Variants in SV2C observed in about 807,000 individuals in gnomAD.
SV2C encodes synaptic vesicle glycoprotein 2C, also known as solute carrier family 22 member B3.
SV2C carries 49 observed loss-of-function variants against 79.7 expected under a neutral mutation model. The observed-to-expected ratio is 0.61, with a 90% confidence interval of 0.49 to 0.78. The LOEUF (loss-of-function observed/expected upper bound fraction) is 0.78, where lower values mean the gene tolerates loss of function less well. Among genes scored for constraint, SV2C ranks in the 30% least tolerant of loss-of-function variants. The pLI is 0.00. For missense variants in SV2C, 833 were observed against 912.9 expected (o/e 0.91, Z 1.13); for synonymous variants, 334 against 333.2 (o/e 1.00, Z -0.03).
the SV2C span, among the ~76,000 whole-genome samples, chr5:75,891,033 T>G: frequency 6.1e-3 from 931 of 152,236 alleles, 5 homozygotes; most frequent in South Asian, 0.025. Context: ...TCCTATTTTT[T>G]GTTTGTGTCT....
chr5:76,213,079 A>C (rs570731791), intron 4 of SV2C, among the ~76,000 whole-genome samples: 1 of 152,326 alleles, frequency 6.6e-6, no homozygotes, highest in South Asian at 2.1e-4. Context: ...TGTTGACAAC[A>C]CCTTGAGAAA....
chr5:75,913,482 C>T, the SV2C span, among the ~76,000 whole-genome samples: 1 of 152,082 alleles, frequency 6.6e-6, no homozygotes, highest in African/African-American at 2.4e-5. Flanking sequence ...GATTAGAAAG[C>T]CTTGAAAGGG....
At chr5:76,068,590 G>A in the SV2C span, among the ~76,000 whole-genome samples, 1 of 151,970 alleles carries the variant, frequency 6.6e-6, no homozygotes, top group Non-Finnish European at 1.5e-5. Context: ...AGTTTTCAAT[G>A]TCTTTGTACT....
At chr5:76,265,153 G>A (rs1380893148) in intron 4 of SV2C, among the ~76,000 whole-genome samples, 1 of 152,220 alleles carries the variant, frequency 6.6e-6, no homozygotes, top group African/African-American at 2.4e-5. Context: ...GCCCTGCCCA[G>A]AGAAGAGGAA....
intron 12 of SV2C, among the ~76,000 whole-genome samples, chr5:76,302,794 C>G (rs1467397345): frequency 6.6e-6 from 1 of 151,840 alleles, no homozygotes; most frequent in Non-Finnish European, 1.5e-5. Context: ...GACAAATGGA[C>G]TTTGCCTTCA....
intron 4 of SV2C, among the ~76,000 whole-genome samples, chr5:76,213,828 T>C (rs1744838701): frequency 6.6e-6 from 1 of 152,168 alleles, no homozygotes; most frequent in Non-Finnish European, 1.5e-5. Context: ...CCAGAACTTA[T>C]CATCTTATAA....
chr5:75,916,664 G>A, the SV2C span, among the ~76,000 whole-genome samples: 35 of 151,960 alleles, frequency 2.3e-4, no homozygotes, highest in Non-Finnish European at 4.6e-4. Context: ...TAGTAGAGAC[G>A]GGGTTTCACC....
At chr5:76,239,676 C>T (rs1745722198) in intron 4 of SV2C, among the ~76,000 whole-genome samples, 2 of 152,178 alleles carry the variant, frequency 1.3e-5, no homozygotes. Flanking sequence ...CTCCACCCTG[C>T]TTGAGTGTCC....
At chr5:76,030,279 T>TA in the SV2C span, among the ~76,000 whole-genome samples, 139 of 112,408 alleles carry the variant, frequency 1.2e-3, 4 homozygotes, top group African/African-American at 5.8e-3. Flanking sequence ...TTTTTTTTTT[T>TA]TTTTTTTTTT....
the SV2C span, among the ~76,000 whole-genome samples, chr5:75,975,483 A>G: frequency 6.6e-6 from 1 of 152,170 alleles, no homozygotes; most frequent in Non-Finnish European, 1.5e-5. Flanking sequence ...GAGGATGTCT[A>G]AGACCTATTC....
chr5:75,930,594 A>G, the SV2C span, among the ~76,000 whole-genome samples: 1 of 152,216 alleles, frequency 6.6e-6, no homozygotes, highest in African/African-American at 2.4e-5. Flanking sequence ...GCATCTCAGA[A>G]TGCAATTTTT....
At chr5:75,850,557 G>A in the SV2C span, among the ~76,000 whole-genome samples, 2,801 of 152,066 alleles carry the variant, frequency 0.018, 88 homozygotes, top group African/African-American at 0.06. Context: ...GGTAGGTAGT[G>A]ACTATCTAGG....
At chr5:75,942,496 G>T in the SV2C span, among the ~76,000 whole-genome samples, 1 of 152,310 alleles carries the variant, frequency 6.6e-6, no homozygotes, top group South Asian at 2.1e-4. Flanking sequence ...AAAGACTGGG[G>T]TGTCCAGCAC....
At position 76,291,205 on chromosome 5, in the gene SV2C, C is replaced by A; in HGVS notation, c.1138-16C>A. 6.3e-7 allele frequency: 1 copy of A among 1,583,114 alleles called. No individual in the cohort carries two copies. The highest frequency in any genetic ancestry group is 1.1e-5 in the South Asian group (1 of 89,434). On this transcript the variant is annotated splice_polypyrimidine_tract_variant and intron_variant, in intron 6 of 12. Coordinates refer to ENST00000502798, the MANE Select transcript of SV2C (RefSeq NM_014979.4). Reference sequence around the variant, plus strand: ...AGAGAAGGTAACTTAGCGCTTTGGTCTGTTTCTCTCTACAGGTAAACAAAA... The same window carrying A: ...AGAGAAGGTAACTTAGCGCTTTGGTATGTTTCTCTCTACAGGTAAACAAAA...
chr5:76,070,761 G>A, the SV2C span, among the ~76,000 whole-genome samples: 2 of 152,196 alleles, frequency 1.3e-5, no homozygotes, highest in African/African-American at 4.8e-5. Context: ...TGAGCATTCT[G>A]AGAAGTGATG....
chr5:76,273,146 G>GATATATAT (rs369657969), intron 4 of SV2C, among the ~76,000 whole-genome samples: 44 of 129,102 alleles, frequency 3.4e-4, no homozygotes, highest in African/African-American at 9.8e-4. Flanking sequence ...TTACAAAAAA[G>GATATATAT]ATATATATAT....
At chr5:76,150,605 C>T (rs6866404) in intron 2 of SV2C, among the ~76,000 whole-genome samples, 7 of 138,356 alleles carry the variant, frequency 5.1e-5, no homozygotes, top group East Asian at 2.5e-4. Context: ...CCCAACTATT[C>T]GTCTGTTTAT....
the SV2C span, chr5:75,921,611 T>G: frequency 1.0e-6 from 1 of 959,156 alleles, no homozygotes; most frequent in African/African-American, 1.6e-5. Context: ...AATTGTGTTC[T>G]TCTCCCCCTT....
chr5:76,132,479 A>C (rs1748935880), intron 2 of SV2C, 149 bp downstream of exon 2: 2 of 738,166 alleles, frequency 2.7e-6, no homozygotes, highest in East Asian at 5.6e-5. Context: ...CATACAAAAG[A>C]ATCAAAATAA....
Sources: gnomAD v4.1 joint callset for allele counts (sites outside exome capture counted in the v4.1 genomes callset) on GRCh38, gnomAD v4.1.1 for gene constraint, MANE v1.5 for transcripts, NCBI Gene and HGNC (gene_info 2026-07-23, HGNC 2026-07-21) for gene names.